Variants in NPHP1 observed in about 807,000 individuals in gnomAD.
NPHP1 encodes the protein nephrocystin 1.
A neutral mutation model predicts 90.4 loss-of-function variants in NPHP1; 70 were observed. The observed-to-expected ratio is 0.77, with a 90% CI of 0.64 to 0.95. The LOEUF (loss-of-function observed/expected upper bound fraction) is 0.95, where lower values mean the gene tolerates loss of function less well. Among genes scored for constraint, NPHP1 ranks in the 40% least tolerant of loss-of-function variants. The pLI, the probability that NPHP1 is intolerant of heterozygous loss-of-function variation, is 0.00. For missense variants in NPHP1, 764 were observed against 795.9 expected (o/e 0.96, Z 0.48); for synonymous variants, 256 against 271.7 (o/e 0.94, Z 0.57).
chr2:110,173,544 G>C (rs949281730), intron 4 of NPHP1, among the ~76,000 whole-genome samples: 1 of 152,046 alleles, frequency 6.6e-6, no homozygotes, highest in African/African-American at 2.4e-5. Flanking sequence ...TATTTTTACT[G>C]TACATTTCCT....
chr2:110,183,706 G>A (rs1684075484), intron 2 of NPHP1, among the ~76,000 whole-genome samples: 1 of 151,972 alleles, frequency 6.6e-6, no homozygotes, highest in African/African-American at 2.4e-5. Context: ...AATAATAGTG[G>A]GAGACTTTAA....
intron 2 of NPHP1, among the ~76,000 whole-genome samples, chr2:110,183,244 T>C (rs981249196): frequency 6.6e-6 from 1 of 152,064 alleles, no homozygotes; most frequent in Non-Finnish European, 1.5e-5. Context: ...ATGGTGAAGG[T>C]TGTGGGTTTA....
intron 2 of NPHP1, among the ~76,000 whole-genome samples, chr2:110,186,705 C>A (rs1281478211): frequency 1.3e-5 from 2 of 152,114 alleles, no homozygotes; most frequent in Admixed American, 6.5e-5. Context: ...CGATGTAGCA[C>A]CCCACAGACT....
intron 11 of NPHP1, among the ~76,000 whole-genome samples, chr2:110,158,529 T>A (rs1163876935): frequency 6.6e-6 from 1 of 152,088 alleles, no homozygotes; most frequent in African/African-American, 2.4e-5. Context: ...GATTACTATG[T>A]CTTCTTGGTG....
At chr2:110,184,955 C>G in intron 2 of NPHP1, 1 of 664,514 alleles carries the variant, frequency 1.5e-6, no homozygotes, top group Admixed American at 1.8e-5. Context: ...GCAGTTCACA[C>G]TTTTCTCCAA....
intron 2 of NPHP1, among the ~76,000 whole-genome samples, chr2:110,187,700 A>G (rs1684395113): frequency 6.6e-6 from 1 of 152,162 alleles, no homozygotes; most frequent in Non-Finnish European, 1.5e-5. Flanking sequence ...AAAACCTGGG[A>G]GAGATACAGC....
Position 110,123,958 on chromosome 2 carries a change from C to G in NPHP1, c.1867G>C (p.Glu623Gln), listed in dbSNP as rs1418617951. Residue 623 changes from glutamate to glutamine, a missense_variant, in exon 20 of 20, where the codon GAG becomes CAG. Coordinates refer to ENST00000445609, the MANE Select transcript of NPHP1 (RefSeq NM_001128178.3). The stretch of plus-strand genomic sequence containing the variant: ...ACTTTCCACCGTGCAGTCTCAGTCT[C>G]TTCTTCTGCCCACCTGAATGGGGGT... ...RLPPFRWAEE[E>Q]TETARWKVIT... The G allele has an allele frequency of 1.2e-6, 2 of 1,613,902 alleles. No homozygotes were observed. The highest frequency in any genetic ancestry group is 1.7e-6 in the Non-Finnish European group (2 of 1,179,870).
rs1553483599 is a variant in NPHP1 at position 110,141,979 on chromosome 2, A to AC, written c.1529+1562_1529+1563insG. Among the ~76,000 whole-genome samples, 1,365 of 146,964 alleles carry AC rather than the reference A, an allele frequency of 9.3e-3. 23 individuals carry two copies. The highest frequency in any genetic ancestry group is 0.035 in the African/African-American group (1,290 of 36,966). On this transcript the variant is annotated intron_variant, in intron 16 of 19. Coordinates refer to ENST00000445609, the MANE Select transcript of NPHP1 (RefSeq NM_001128178.3). ...CAGAGCCAGACTCTGTCTCAAAAAA[A>AC]AAAAAAAAAAGAAAGAAAAAGAAAA...
rs540420408 is a variant in NPHP1, at chr2:110,198,099, C to G, written c.143+3322G>C. 3.9e-5 allele frequency among the ~76,000 whole-genome samples: 6 copies of G among 152,116 alleles called. No individual in the cohort carries two copies. The South Asian group carries it at 1.0e-3, about 26-fold the overall frequency. The stretch of plus-strand genomic sequence containing the variant: ...ACTGCAAAGAAGGAAAGAAGGACAA[C>G]TAGCCAGCAAGAGATTTCAACAAAT... On this transcript the variant is annotated intron_variant, in intron 2 of 19. Transcript: ENST00000445609.
intron 2 of NPHP1, among the ~76,000 whole-genome samples, chr2:110,193,094 T>C (rs1684869159): frequency 1.3e-5 from 2 of 152,204 alleles, no homozygotes; most frequent in Admixed American, 6.5e-5. Flanking sequence ...AGAAACTGCA[T>C]CAACTAATGA....
Position 110,163,036 on chromosome 2 carries a change from G to A in NPHP1, c.859+12C>T. Reference sequence around the variant, plus strand: ...TGCTGAAAGAGTGCAGTGGCTGATAGGCACGCATTACCTTCCTCCAGAAGC... The same window carrying A: ...TGCTGAAAGAGTGCAGTGGCTGATAAGCACGCATTACCTTCCTCCAGAAGC... On this transcript the variant is annotated intron_variant, in intron 9 of 19. Coordinates refer to ENST00000445609, the MANE Select transcript of NPHP1 (RefSeq NM_001128178.3). 6.3e-7 allele frequency: 1 copy of A among 1,595,000 alleles called. No individual in the cohort carries two copies. Among genetic ancestry groups the A allele is most frequent in the Non-Finnish European group, 8.6e-7 (1 of 1,162,688 alleles).
At chr2:110,178,677 G>C in intron 3 of NPHP1, 130 bp from the exon 4 acceptor site, 1 of 739,764 alleles carries the variant, frequency 1.4e-6, no homozygotes, top group Non-Finnish European at 2.1e-6. Flanking sequence ...ACCTATCTTA[G>C]GGAAATAAAT....
intron 16 of NPHP1, among the ~76,000 whole-genome samples, chr2:110,137,922 A>C (rs1680326930): frequency 6.6e-6 from 1 of 150,636 alleles, no homozygotes; most frequent in Non-Finnish European, 1.5e-5. Context: ...CTTGGAACCA[A>C]CCCAAATGTC....
chr2:110,177,146 A>G (rs1154652), intron 4 of NPHP1, among the ~76,000 whole-genome samples: 26,379 of 152,152 alleles, frequency 0.17, 2,764 homozygotes, highest in East Asian at 0.44. Flanking sequence ...GTCTCCCTAT[A>G]TCAAGAATAT....
chr2:110,162,758 T>G (rs1682434637), intron 9 of NPHP1, among the ~76,000 whole-genome samples: 1 of 151,718 alleles, frequency 6.6e-6, no homozygotes, highest in Non-Finnish European at 1.5e-5. Flanking sequence ...TGAACCAGTG[T>G]GGGGAAGGTG....
intron 4 of NPHP1, among the ~76,000 whole-genome samples, chr2:110,170,858 A>G (rs2104582181): frequency 6.6e-6 from 1 of 152,232 alleles, no homozygotes; most frequent in East Asian, 1.9e-4. Flanking sequence ...GAGATTTAAG[A>G]TTAGGAAACA....
intron 9 of NPHP1, among the ~76,000 whole-genome samples, chr2:110,161,995 A>G (rs1412664287): frequency 6.6e-6 from 1 of 152,138 alleles, no homozygotes; most frequent in African/African-American, 2.4e-5. Flanking sequence ...AAAATGCAGA[A>G]ATCTATGAGC....
chr2:110,145,712 T>A (rs2104488100), intron 14 of NPHP1, among the ~76,000 whole-genome samples: 1 of 152,270 alleles, frequency 6.6e-6, no homozygotes, highest in African/African-American at 2.4e-5. Flanking sequence ...CTACCTCATT[T>A]AAAAAAATAG....
chr2:110,145,322 G>A (rs962051078), intron 14 of NPHP1, among the ~76,000 whole-genome samples: 6 of 152,178 alleles, frequency 3.9e-5, no homozygotes, highest in African/African-American at 9.6e-5. Flanking sequence ...GCAGAATCTC[G>A]CTCTGTCACC....
Sources: gnomAD v4.1 joint callset for allele counts (sites outside exome capture counted in the v4.1 genomes callset) on GRCh38, gnomAD v4.1.1 for gene constraint, MANE v1.5 for transcripts, NCBI Gene and HGNC (gene_info 2026-07-23, HGNC 2026-07-21) for gene names.